Variants in ZIM2 observed in about 807,000 individuals in gnomAD.
ZIM2 encodes zinc finger protein 656.
A neutral mutation model predicts 38.6 loss-of-function variants in ZIM2; 14 were observed. The observed-to-expected ratio is 0.36, with a 90% CI of 0.24 to 0.57. The LOEUF is 0.57. Ranked by LOEUF, ZIM2 falls within the 20% of genes least tolerant of loss-of-function variation. The probability of loss-of-function intolerance (pLI) is 0.81; values close to 1 mark genes in which losing one functional copy is unlikely to be tolerated. For synonymous variants in ZIM2, 247 were observed against 245.8 expected (o/e 1.00, Z -0.04); for missense variants, 680 against 695.1 (o/e 0.98, Z 0.24).
chr19:56,812,387 G>C, intron 9 of ZIM2: 2 of 984,702 alleles, frequency 2.0e-6, no homozygotes, highest in Non-Finnish European at 2.4e-6. Context: ...GGGAACCTGA[G>C]TCCATGTTAA....
At chr19:56,821,861 G>A (rs911078224) in intron 6 of ZIM2, 107 bp from the exon 7 acceptor site, 8 of 1,199,740 alleles carry the variant, frequency 6.7e-6, no homozygotes, top group South Asian at 1.3e-5. Context: ...GTGTATGAGA[G>A]CAAGTGCCTT....
chr19:56,778,824 CTG>C (rs2046164505), intron 12 of ZIM2, among the ~76,000 whole-genome samples: 1 of 152,126 alleles, frequency 6.6e-6, no homozygotes, highest in African/African-American at 2.4e-5. Context: ...CGTTATTAGA[CTG>C]TAGCCATAGA....
intron 1 of ZIM2, among the ~76,000 whole-genome samples, chr19:56,840,078 C>A (rs920119227): frequency 1.3e-5 from 2 of 152,238 alleles, no homozygotes; most frequent in African/African-American, 4.8e-5. Context: ...AGGCCGATGG[C>A]ACCCCGCAGG....
chr19:56,833,372 G>C, intron 2 of ZIM2: 2 of 356,210 alleles, frequency 5.6e-6, no homozygotes, highest in South Asian at 2.1e-5. Context: ...GGACAGCGTG[G>C]TGTGTGGTCT....
chr19:56,838,491 A>G (rs565491637), intron 1 of ZIM2, among the ~76,000 whole-genome samples: 2 of 152,128 alleles, frequency 1.3e-5, no homozygotes, highest in South Asian at 4.2e-4. Flanking sequence ...GGGCGCCTGC[A>G]CAACCCGCCT....
intron 9 of ZIM2, among the ~76,000 whole-genome samples, chr19:56,805,978 A>G (rs916473123): frequency 1.8e-4 from 27 of 152,362 alleles, no homozygotes; most frequent in African/African-American, 6.5e-4. Context: ...TATGTAAGAG[A>G]AAATTCTTAT....
chr19:56,801,313 T>A (rs1304640897), intron 9 of ZIM2, among the ~76,000 whole-genome samples: 1 of 152,104 alleles, frequency 6.6e-6, no homozygotes, highest in East Asian at 1.9e-4. Context: ...GACCTATAGC[T>A]CCCTTATCCT....
chr19:56,810,229 G>T, intron 9 of ZIM2: 2 of 982,610 alleles, frequency 2.0e-6, no homozygotes, highest in Non-Finnish European at 2.4e-6. Flanking sequence ...GAAAACATGG[G>T]TGAGTTTCTC....
intron 9 of ZIM2, among the ~76,000 whole-genome samples, chr19:56,792,259 G>A (rs911754718): frequency 3.9e-5 from 6 of 151,922 alleles, no homozygotes; most frequent in Non-Finnish European, 7.4e-5. Flanking sequence ...AATCTGCGGT[G>A]GCTCTTGTCT....
At chr19:56,777,717 G>T (rs1238862042) in intron 12 of ZIM2, among the ~76,000 whole-genome samples, 4 of 152,172 alleles carry the variant, frequency 2.6e-5, no homozygotes, top group African/African-American at 9.7e-5. Flanking sequence ...AATGTAAGTA[G>T]CCACATGTGC....
At chr19:56,817,543 T>C (rs2060091787) in intron 9 of ZIM2, 1 of 1,598,238 alleles carries the variant, frequency 6.3e-7, no homozygotes, top group Non-Finnish European at 8.5e-7. Context: ...CCCCCGCCGG[T>C]GGGTTGATTT....
intron 7 of ZIM2, 144 bp downstream of exon 7, chr19:56,821,507 G>A: frequency 1.1e-6 from 1 of 944,328 alleles, no homozygotes; most frequent in Non-Finnish European, 1.6e-6. Context: ...CCTAAGGGAT[G>A]GGCCCGGGCT....
Position 56,779,475 on chromosome 19 carries a change from G to C in ZIM2, c.740-3C>G, listed in dbSNP as rs1179464854. On this transcript the variant is annotated splice_region_variant and splice_polypyrimidine_tract_variant and intron_variant, in intron 11 of 12. Coordinates refer to ENST00000629319, the MANE Select transcript of ZIM2 (RefSeq NM_001387356.1). ...GTCAGGTTTAGAGAACTGGTGCCCTGTTGGAGAGGAAGACTGAGAACTCAG... is the reference window on the plus strand; with the variant it reads ...GTCAGGTTTAGAGAACTGGTGCCCTCTTGGAGAGGAAGACTGAGAACTCAG... The C allele has an allele frequency of 1.2e-6, 2 of 1,613,524 alleles. No individual in the cohort carries two copies. Among genetic ancestry groups the C allele is most frequent in the East Asian group, 2.2e-5 (1 of 44,876 alleles).
chr19:56,818,546 G>A, intron 8 of ZIM2, 54 bp downstream of exon 8: 3 of 1,593,028 alleles, frequency 1.9e-6, no homozygotes, highest in Non-Finnish European at 2.6e-6. Flanking sequence ...GGAGCAAGAT[G>A]ACAAAATGCT....
At chr19:56,776,030 G>A (rs550407758) in intron 12 of ZIM2, among the ~76,000 whole-genome samples, 2 of 150,936 alleles carry the variant, frequency 1.3e-5, no homozygotes, top group Non-Finnish European at 2.9e-5. Context: ...GAACCCGGGA[G>A]GTGGAGGTTG....
Position 56,774,811 on chromosome 19 carries a change from A to C in ZIM2, c.1554T>G (p.Thr518=). 5 of 1,614,154 alleles carry C rather than the reference A, an allele frequency of 3.1e-6. No homozygotes were observed. Among genetic ancestry groups the C allele is most frequent in the Non-Finnish European group, 4.2e-6 (5 of 1,180,030 alleles). ...ACTGGTAAGGCCTCTCTTGAGTGTG[A>C]GTTCTATAATGCTGAATGAGATATG... ...RNSYLIQHYR[T]HTQERPYQCQ... The change falls in exon 13 of 13, where the codon ACT becomes ACG. Residue 518 remains threonine, a synonymous_variant. Transcript: ENST00000629319.
intron 1 of ZIM2, among the ~76,000 whole-genome samples, chr19:56,837,321 G>A: frequency 6.6e-6 from 1 of 152,022 alleles, no homozygotes; most frequent in Non-Finnish European, 1.5e-5. Context: ...AGGACCACCC[G>A]CAGCCCTGAA....
chr19:56,788,632 T>C (rs1432683843), intron 10 of ZIM2, among the ~76,000 whole-genome samples: 1 of 152,134 alleles, frequency 6.6e-6, no homozygotes, highest in Non-Finnish European at 1.5e-5. Context: ...TGTCTTGGAG[T>C]TGCTCTTCTC....
At chr19:56,809,937 A>C (rs1379859589) in intron 9 of ZIM2, 2 of 154,252 alleles carry the variant, frequency 1.3e-5, no homozygotes, top group African/African-American at 4.8e-5. Context: ...TAATTGTTGA[A>C]ATAGATAATA....
Sources: gnomAD v4.1 joint callset for allele counts (sites outside exome capture counted in the v4.1 genomes callset) on GRCh38, gnomAD v4.1.1 for gene constraint, MANE v1.5 for transcripts, NCBI Gene and HGNC (gene_info 2026-07-23, HGNC 2026-07-21) for gene names.